SPRED1: variants seen among roughly 807,000 people sequenced by gnomAD.
SPRED1 encodes the protein sprouty related EVH1 domain containing 1.
A neutral mutation model predicts 52.3 loss-of-function variants in SPRED1; 18 were observed. The ratio of observed to expected loss-of-function variants is 0.34; its 90% CI spans 0.24 to 0.51. The LOEUF (loss-of-function observed/expected upper bound fraction) is 0.51, where lower values mean the gene tolerates loss of function less well. SPRED1 is among the 20% of genes least tolerant of loss of function. SPRED1 has a pLI of 0.97. For synonymous variants in SPRED1, 155 were observed against 179.7 expected (o/e 0.86, Z 1.10); for missense variants, 485 against 551.0 (o/e 0.88, Z 1.20).
intron 3 of SPRED1, 134 bp from the exon 4 acceptor site, chr15:38,324,629 C>CT: frequency 1.5e-6 from 1 of 686,906 alleles, no homozygotes. Flanking sequence ...TGGCCAGTAC[C>CT]TTAATTGCCA....
At position 38,282,880 on chromosome 15, in the gene SPRED1, C is replaced by T. The variant is rs138788352; in HGVS notation, c.33-16493C>T. ...CGCTGTCATGCGTTGTTTTAAACCA[C>T]GGTTTTCTTGCTACTTTGAGGACTG... On this transcript the variant is annotated intron_variant, in intron 1 of 6. Transcript: ENST00000299084. Among the ~76,000 whole-genome samples the T allele has an allele frequency of 7.6e-3, 1,148 of 151,346 alleles. 7 individuals are homozygous for T. The highest frequency in any genetic ancestry group is 0.015 in the African/African-American group (637 of 41,218).
chr15:38,307,621 C>G (rs1020258825), intron 2 of SPRED1, among the ~76,000 whole-genome samples: 4 of 152,166 alleles, frequency 2.6e-5, no homozygotes, highest in Non-Finnish European at 4.4e-5. Context: ...GAGGGGAGCA[C>G]AATCCCTTCA....
At chr15:38,295,523 C>T (rs749853044) in intron 1 of SPRED1, among the ~76,000 whole-genome samples, 7 of 152,030 alleles carry the variant, frequency 4.6e-5, no homozygotes, top group Non-Finnish European at 7.4e-5. Flanking sequence ...TTGACGGAAA[C>T]GTTATTATGC....
intron 1 of SPRED1, among the ~76,000 whole-genome samples, chr15:38,286,918 T>C (rs1873254514): frequency 6.6e-6 from 1 of 152,164 alleles, no homozygotes; most frequent in South Asian, 2.1e-4. Context: ...TTTTCTCTTT[T>C]TATGTATTTT....
At chr15:38,339,359 C>T (rs1215008916) in intron 4 of SPRED1, among the ~76,000 whole-genome samples, 2 of 152,074 alleles carry the variant, frequency 1.3e-5, no homozygotes, top group Non-Finnish European at 2.9e-5. Context: ...TTTTAACTTG[C>T]AAAATAAAAC....
intron 4 of SPRED1, among the ~76,000 whole-genome samples, chr15:38,330,077 ATG>A (rs1895778922): frequency 6.6e-6 from 1 of 152,188 alleles, no homozygotes; most frequent in Non-Finnish European, 1.5e-5. Flanking sequence ...TGTTAGCAGG[ATG>A]TGTGTAACTA....
chr15:38,314,211 G>A (rs1468240685), intron 2 of SPRED1, among the ~76,000 whole-genome samples: 4 of 151,660 alleles, frequency 2.6e-5, no homozygotes, highest in African/African-American at 9.7e-5. Flanking sequence ...TGTTTTAATG[G>A]TGATATTCAA....
At chr15:38,346,622 A>G (rs889895303) in intron 5 of SPRED1, among the ~76,000 whole-genome samples, 2 of 152,176 alleles carry the variant, frequency 1.3e-5, no homozygotes, top group African/African-American at 2.4e-5. Context: ...GCTTTCCTTG[A>G]TAGTTCTAAA....
chr15:38,282,506 C>CA (rs373880075), intron 1 of SPRED1, among the ~76,000 whole-genome samples: 7,421 of 125,492 alleles, frequency 0.059, 302 homozygotes, highest in African/African-American at 0.13. Context: ...GACCCCGTCT[C>CA]AAAAAAAAAA....
At chr15:38,279,433 G>C (rs1379235219) in intron 1 of SPRED1, among the ~76,000 whole-genome samples, 1 of 152,148 alleles carries the variant, frequency 6.6e-6, no homozygotes, top group Non-Finnish European at 1.5e-5. Flanking sequence ...ATTATTTCTT[G>C]TTTTCTTAAT....
chr15:38,301,943 G>A (rs1051008355), intron 2 of SPRED1, among the ~76,000 whole-genome samples: 2 of 151,180 alleles, frequency 1.3e-5, no homozygotes, highest in Non-Finnish European at 2.9e-5. Context: ...CAGATTAATG[G>A]TAGCTTTCCT....
At chr15:38,262,746 A>G (rs1041187943) in intron 1 of SPRED1, among the ~76,000 whole-genome samples, 2 of 152,216 alleles carry the variant, frequency 1.3e-5, no homozygotes, top group African/African-American at 4.8e-5. Flanking sequence ...AAAGTTGAAT[A>G]TTTATCTGAC....
At chr15:38,348,215 G>T (rs1287486773) in intron 5 of SPRED1, among the ~76,000 whole-genome samples, 1 of 151,544 alleles carries the variant, frequency 6.6e-6, no homozygotes, top group Admixed American at 6.6e-5. Flanking sequence ...TTTTTCACTT[G>T]ACCAAATATC....
intron 1 of SPRED1, among the ~76,000 whole-genome samples, chr15:38,293,791 C>A (rs1173065849): frequency 6.6e-6 from 1 of 152,174 alleles, no homozygotes; most frequent in Non-Finnish European, 1.5e-5. Flanking sequence ...CTACTGTCAT[C>A]TTTTGAACTT....
intron 2 of SPRED1, among the ~76,000 whole-genome samples, chr15:38,316,312 T>A (rs1895479085): frequency 6.6e-6 from 1 of 151,964 alleles, no homozygotes; most frequent in Non-Finnish European, 1.5e-5. Context: ...TTATCTGTAT[T>A]TTCGTAAATA....
At chr15:38,348,416 C>CTGTGTGTGTGTGTG (rs3075338) in intron 5 of SPRED1, among the ~76,000 whole-genome samples, 55 of 148,546 alleles carry the variant, frequency 3.7e-4, no homozygotes, top group African/African-American at 1.4e-3. Flanking sequence ...TTTTAAAGAT[C>CTGTGTGTGTGTGTG]TGTGTGTGTG....
Position 38,299,360 on chromosome 15 carries a change from G to T in SPRED1, c.33-13G>T. 6.2e-7 allele frequency: 1 copy of T among 1,613,598 alleles called. No homozygotes were observed. The highest frequency in any genetic ancestry group is 8.5e-7 in the Non-Finnish European group (1 of 1,179,702). Reference sequence around the variant, plus strand: ...ATGGAAAAGCTAATTCCTGATCTTTGCATCTATTTTAGTAATAGTTATGCA... The same window carrying T: ...ATGGAAAAGCTAATTCCTGATCTTTTCATCTATTTTAGTAATAGTTATGCA... On this transcript the variant is annotated splice_polypyrimidine_tract_variant and intron_variant, in intron 1 of 6. Coordinates refer to ENST00000299084, the MANE Select transcript of SPRED1 (RefSeq NM_152594.3).
In SPRED1 at chr15:38,317,607, GA is replaced by G. The variant is rs1895513847; in HGVS notation, c.208-4630del. Among the ~76,000 whole-genome samples the G allele has an allele frequency of 2.0e-5, 3 of 152,028 alleles. No homozygotes were observed. The South Asian group carries it at 6.2e-4, about 32-fold the overall frequency. ...TCTTAAGATACAGAATTAATACAGT[GA>G]AAACTACATTGGGCTAAAGTCAGAA... On this transcript the variant is annotated intron_variant, in intron 2 of 6. Transcript: ENST00000299084.
intron 1 of SPRED1, among the ~76,000 whole-genome samples, chr15:38,264,385 G>C (rs951877651): frequency 6.6e-6 from 1 of 152,214 alleles, no homozygotes; most frequent in Non-Finnish European, 1.5e-5. Flanking sequence ...ACTGATAGCT[G>C]TTTTGAAGAA....
Sources: allele counts gnomAD v4.1 joint callset (sites outside exome capture counted in the v4.1 genomes callset), GRCh38; gene constraint gnomAD v4.1.1; transcripts MANE v1.5; gene names NCBI Gene and HGNC (gene_info 2026-07-23, HGNC 2026-07-21).